Variants in PIK3C2G observed in about 807,000 individuals in gnomAD.
The protein encoded by PIK3C2G is phosphatidylinositol 3-kinase C2 domain-containing subunit gamma.
PIK3C2G carries 168 observed loss-of-function variants against 181.1 expected under a neutral mutation model. The ratio of observed to expected loss-of-function variants is 0.93; its 90% CI spans 0.82 to 1.05. The LOEUF (loss-of-function observed/expected upper bound fraction) is 1.05, where lower values mean the gene tolerates loss of function less well. PIK3C2G is among the 50% of genes least tolerant of loss of function. The pLI is 0.00. For synonymous variants in PIK3C2G, 573 were observed against 592.2 expected (o/e 0.97, Z 0.47); for missense variants, 1,869 against 1,732.8 (o/e 1.08, Z -1.40).
At chr12:18,268,950 T>C (rs1260129775) in intron 1 of PIK3C2G, among the ~76,000 whole-genome samples, 2 of 152,120 alleles carry the variant, frequency 1.3e-5, no homozygotes, top group African/African-American at 2.4e-5. Context: ...AGTCTCACTC[T>C]GTCACTCAGG....
intron 26 of PIK3C2G, among the ~76,000 whole-genome samples, chr12:18,547,298 C>T (rs1482347211): frequency 1.3e-5 from 2 of 151,964 alleles, no homozygotes; most frequent in Non-Finnish European, 2.9e-5. Flanking sequence ...TTGCTTCCCA[C>T]TCCAATGGTG....
At chr12:18,698,844 T>A in the PIK3C2G span, among the ~76,000 whole-genome samples, 2 of 152,186 alleles carry the variant, frequency 1.3e-5, no homozygotes, top group African/African-American at 4.8e-5. Flanking sequence ...TGTAGTCACC[T>A]GTTGCACTAT....
chr12:18,707,363 A>C, the PIK3C2G span, among the ~76,000 whole-genome samples: 4 of 152,154 alleles, frequency 2.6e-5, no homozygotes, highest in Non-Finnish European at 5.9e-5. Flanking sequence ...GACTGGGCAA[A>C]GTGATGGCCT....
At chr12:18,699,365 G>C in the PIK3C2G span, among the ~76,000 whole-genome samples, 2 of 152,096 alleles carry the variant, frequency 1.3e-5, no homozygotes, top group African/African-American at 4.8e-5. Context: ...CTCACCCTTT[G>C]GCTGCTATCA....
intron 5 of PIK3C2G, among the ~76,000 whole-genome samples, chr12:18,309,994 A>G (rs1950573300): frequency 6.6e-6 from 1 of 151,894 alleles, no homozygotes; most frequent in Non-Finnish European, 1.5e-5. Flanking sequence ...AAGTATTTAC[A>G]GAGTGATGAA....
In PIK3C2G at chr12:18,469,387, G is replaced by T. The variant is rs962802859; in HGVS notation, c.2505-19062G>T. Among the ~76,000 whole-genome samples the T allele has an allele frequency of 5.5e-4, 84 of 152,060 alleles. 1 individual carries two copies. Among genetic ancestry groups the T allele is most frequent in the African/African-American group, 1.9e-3 (80 of 41,420 alleles). ...AAGAAACGAGTGAACCCCTGCTGGG[G>T]GGAAAATGTTTTCTTGGAAATACTT... On this transcript the variant is annotated intron_variant, in intron 18 of 32. Coordinates refer to ENST00000538779, the MANE Select transcript of PIK3C2G (RefSeq NM_001288772.2).
chr12:18,464,686 C>T (rs1351113263), intron 18 of PIK3C2G, among the ~76,000 whole-genome samples: 2 of 151,838 alleles, frequency 1.3e-5, no homozygotes, highest in African/African-American at 2.4e-5. Flanking sequence ...TGTTTTTAAC[C>T]CTGCATAAAT....
At chr12:18,303,263 C>A (rs943943584) in intron 5 of PIK3C2G, among the ~76,000 whole-genome samples, 5 of 143,936 alleles carry the variant, frequency 3.5e-5, no homozygotes, top group Admixed American at 7.2e-5. Context: ...TTCTTCCTTC[C>A]TTCCCTCCCT....
chr12:18,555,226 TG>T (rs1944944500), intron 26 of PIK3C2G, among the ~76,000 whole-genome samples: 1 of 152,202 alleles, frequency 6.6e-6, no homozygotes, highest in Admixed American at 6.5e-5. Flanking sequence ...CATCAGGTGT[TG>T]CCTAAGAACC....
intron 24 of PIK3C2G, 113 bp from the exon 25 acceptor site, chr12:18,538,043 A>G (rs11044171): frequency 0.14 from 131,335 of 915,588 alleles, 10,959 homozygotes; most frequent in Non-Finnish European, 0.17. Flanking sequence ...TATCTATTAC[A>G]GTAGAGAAAA....
chr12:18,671,346 A>G, the PIK3C2G span, among the ~76,000 whole-genome samples: 1 of 152,134 alleles, frequency 6.6e-6, no homozygotes, highest in Non-Finnish European at 1.5e-5. Flanking sequence ...TGAATCCACA[A>G]TCGAGTAAGT....
chr12:18,650,702 GTGTATATATCTA>G (rs1950443333), downstream of PIK3C2G, among the ~76,000 whole-genome samples: 53 of 27,690 alleles, frequency 1.9e-3, 1 homozygote, highest in Non-Finnish European at 3.5e-3. Context: ...GTGTGTGTGT[GTGTATATATCTA>G]TATATATATA....
At position 18,442,617 on chromosome 12, in the gene PIK3C2G, A is replaced by G. The variant is rs545599328; in HGVS notation, c.2504+18578A>G. On this transcript the variant is annotated intron_variant, in intron 18 of 32. Coordinates refer to ENST00000538779, the MANE Select transcript of PIK3C2G (RefSeq NM_001288772.2). ...GAACTCATACAAATATAGAGAGGCT[A>G]AAAGGAGAGAGGAGTAGCCATATTA... 3.5e-4 allele frequency among the ~76,000 whole-genome samples: 53 copies of G among 152,252 alleles called. No homozygotes were observed. In the Middle Eastern group the frequency reaches 0.017, roughly 49 times the overall value.
At chr12:18,655,534 T>C in the PIK3C2G span, among the ~76,000 whole-genome samples, 1 of 152,180 alleles carries the variant, frequency 6.6e-6, no homozygotes, top group African/African-American at 2.4e-5. Context: ...CTATGCATAG[T>C]GACGTCATCC....
At chr12:18,705,386 G>T in the PIK3C2G span, 1 of 1,538,000 alleles carries the variant, frequency 6.5e-7, no homozygotes, top group Non-Finnish European at 9.0e-7. Context: ...TAATATAAGT[G>T]CTTAATGTAT....
At chr12:18,320,362 G>C (rs1241797099) in intron 6 of PIK3C2G, among the ~76,000 whole-genome samples, 1 of 147,892 alleles carries the variant, frequency 6.8e-6, no homozygotes, top group Non-Finnish European at 1.5e-5. Flanking sequence ...CACACATATG[G>C]GCCATAGGCA....
At chr12:18,255,411 A>G (rs1948136299) in intron 1 of PIK3C2G, among the ~76,000 whole-genome samples, 1 of 152,130 alleles carries the variant, frequency 6.6e-6, no homozygotes, top group Non-Finnish European at 1.5e-5. Flanking sequence ...TAACAAAAGT[A>G]CCCAAAATGC....
chr12:18,445,181 TA>T (rs1946957196), intron 18 of PIK3C2G, among the ~76,000 whole-genome samples: 1 of 152,098 alleles, frequency 6.6e-6, no homozygotes, highest in South Asian at 2.1e-4. Flanking sequence ...GAGACTTTTT[TA>T]TATTAGGAAA....
At chr12:18,598,638 A>C (rs1298277446) in intron 30 of PIK3C2G, among the ~76,000 whole-genome samples, 11 of 149,054 alleles carry the variant, frequency 7.4e-5, no homozygotes, top group African/African-American at 2.4e-4. Context: ...AAAAGCCAAA[A>C]TTGACAAATG....
Sources: gnomAD v4.1 joint callset for allele counts (sites outside exome capture counted in the v4.1 genomes callset) on GRCh38, gnomAD v4.1.1 for gene constraint, MANE v1.5 for transcripts, NCBI Gene and HGNC (gene_info 2026-07-23, HGNC 2026-07-21) for gene names.